The following OMA1 variants were observed in gnomAD, a reference collection of about 807,000 sequenced individuals.
The protein encoded by OMA1 is metalloendopeptidase OMA1, mitochondrial.
A neutral mutation model predicts 30.9 loss-of-function variants in OMA1; 38 were observed. The ratio of observed to expected loss-of-function variants is 1.23; its 90% confidence interval spans 0.95 to 1.61. OMA1 has a LOEUF of 1.61. Among genes scored for constraint, OMA1 ranks in the 40% most tolerant of loss-of-function variants. OMA1 has a pLI of 0.00. For missense variants in OMA1, 461 were observed against 349.2 expected, an observed-to-expected ratio of 1.32 and a Z score of -2.55; for synonymous variants, 173 against 121.9, an observed-to-expected ratio of 1.42 and a Z score of -2.76.
chr1:58,540,330 C>T (rs960736703), intron 1 of OMA1, among the ~76,000 whole-genome samples: 13 of 151,620 alleles, frequency 8.6e-5, no homozygotes, highest in Middle Eastern at 3.4e-3. Flanking sequence ...CTATTTAACA[C>T]TTAACAAGGT....
chr1:58,490,793 TTC>T (rs1216144322), intron 8 of OMA1, among the ~76,000 whole-genome samples: 32 of 114,882 alleles, frequency 2.8e-4, no homozygotes, highest in African/African-American at 1.2e-3. Context: ...ATAGTCAACA[TTC>T]TTTTTTTTTT....
At position 58,534,467 on chromosome 1, in the gene OMA1, C is replaced by T. The variant is rs956901694; in HGVS notation, c.730-136G>A. The T allele has an allele frequency of 1.1e-5, 6 of 525,818 alleles. No homozygotes were observed. The African/African-American group carries it at 1.2e-4, about 10-fold the overall frequency. 32.6% of individuals were successfully genotyped at this position (525,818 alleles called of 1,614,324 possible). A position where few individuals can be genotyped will look rare whatever the true frequency, so the allele number is the denominator to read the frequency against. ...TATAAAAATCTGCATATATTAAGCACTGAAATTTCTCAAATCTGAATTATT... is the reference window on the plus strand; with the variant it reads ...TATAAAAATCTGCATATATTAAGCATTGAAATTTCTCAAATCTGAATTATT... On this transcript the variant is annotated intron_variant, in intron 3 of 8. Coordinates refer to ENST00000371226, the MANE Select transcript of OMA1 (RefSeq NM_145243.5).
At chr1:58,546,169 G>A (rs549638267) in intron 1 of OMA1, among the ~76,000 whole-genome samples, 1 of 152,372 alleles carries the variant, frequency 6.6e-6, no homozygotes, top group Admixed American at 6.5e-5. Flanking sequence ...TGCTTAGACG[G>A]GGAATGTTCT....
intron 7 of OMA1, among the ~76,000 whole-genome samples, chr1:58,523,446 T>G (rs1240337999): frequency 6.6e-6 from 1 of 152,200 alleles, no homozygotes; most frequent in Non-Finnish European, 1.5e-5. Context: ...AACCTTTCCC[T>G]AAAGTACCCT....
Position 58,480,839 on chromosome 1 carries a change from T to C in OMA1, c.*126A>G. 1.6e-6 allele frequency: 1 copy of C among 610,696 alleles called. No individual in the cohort carries two copies. 37.8% of individuals were successfully genotyped at this position (610,696 alleles called of 1,614,324 possible). A position where few individuals can be genotyped will look rare whatever the true frequency, so the allele number is the denominator to read the frequency against. ...TCTAGAAGAATTTAGATAATATCTG[T>C]AATGTACATGATTTGACCCTGAATA... On this transcript the variant is annotated 3_prime_UTR_variant, in exon 9 of 9. Coordinates refer to ENST00000371226, the MANE Select transcript of OMA1 (RefSeq NM_145243.5).
chr1:58,500,865 C>T (rs1485825840), intron 8 of OMA1, among the ~76,000 whole-genome samples: 3 of 152,070 alleles, frequency 2.0e-5, no homozygotes, highest in Non-Finnish European at 2.9e-5. Flanking sequence ...GCAGATTTCT[C>T]TTATTCACAT....
intron 2 of OMA1, among the ~76,000 whole-genome samples, chr1:58,537,314 C>T (rs1242812658): frequency 2.6e-5 from 4 of 152,142 alleles, no homozygotes; most frequent in Admixed American, 2.6e-4. Flanking sequence ...CACTACTTTT[C>T]CCACTGCTCC....
chr1:58,518,229 AGGGG>A (rs1646190943), intron 7 of OMA1, among the ~76,000 whole-genome samples: 1 of 2,726 alleles, frequency 3.7e-4, no homozygotes, highest in African/African-American at 2.1e-3. Flanking sequence ...GAGAGGGGAG[AGGGG>A]AGAGGGGAGA....
chr1:58,502,277 T>C (rs1645919303), intron 8 of OMA1, among the ~76,000 whole-genome samples: 1 of 152,204 alleles, frequency 6.6e-6, no homozygotes, highest in African/African-American at 2.4e-5. Flanking sequence ...TCCTATTTGC[T>C]TTCTTGATTT....
chr1:58,487,125 T>C (rs1645589616), intron 8 of OMA1, among the ~76,000 whole-genome samples: 1 of 152,182 alleles, frequency 6.6e-6, no homozygotes, highest in South Asian at 2.1e-4. Context: ...CAACAGGAAA[T>C]GACTGCGGTA....
intron 8 of OMA1, among the ~76,000 whole-genome samples, chr1:58,499,089 G>A (rs1336092578): frequency 6.6e-6 from 1 of 151,884 alleles, no homozygotes; most frequent in Non-Finnish European, 1.5e-5. Context: ...TAACAGTATG[G>A]ATAAATCTGG....
At chr1:58,519,584 A>T (rs529594158) in intron 7 of OMA1, among the ~76,000 whole-genome samples, 22 of 152,290 alleles carry the variant, frequency 1.4e-4, no homozygotes, top group Admixed American at 1.1e-3. Flanking sequence ...ATGGAAAAAA[A>T]AAATATATCA....
chr1:58,482,037 T>C (rs1645494937), intron 8 of OMA1, among the ~76,000 whole-genome samples: 1 of 152,098 alleles, frequency 6.6e-6, no homozygotes, highest in African/African-American at 2.4e-5. Context: ...CCAGGAGAAA[T>C]AAAACATTGC....
At chr1:58,529,721 A>G (rs866320962) in intron 6 of OMA1, among the ~76,000 whole-genome samples, 12 of 152,212 alleles carry the variant, frequency 7.9e-5, no homozygotes, top group Non-Finnish European at 1.3e-4. Context: ...TTGGATAGAA[A>G]ATATCTACGA....
chr1:58,536,848 ATGATG>A (rs1569974047), intron 2 of OMA1, 107 bp from the exon 3 acceptor site: 2 of 681,196 alleles, frequency 2.9e-6, no homozygotes, highest in East Asian at 2.5e-5. Flanking sequence ...CTGAATTTGT[ATGATG>A]TATTTCGCTG....
intron 8 of OMA1, among the ~76,000 whole-genome samples, chr1:58,484,617 T>G (rs12094207): frequency 0.022 from 3,329 of 152,310 alleles, 76 homozygotes; most frequent in African/African-American, 0.061. Flanking sequence ...AAAAGCTGGC[T>G]TGGTAAATGT....
chr1:58,539,514 C>T (rs1330390171), intron 1 of OMA1, among the ~76,000 whole-genome samples: 2 of 150,948 alleles, frequency 1.3e-5, no homozygotes, highest in South Asian at 2.1e-4. Context: ...TACTATGCAA[C>T]GTTTACTTTA....
intron 7 of OMA1, among the ~76,000 whole-genome samples, chr1:58,525,201 A>G (rs1646330599): frequency 1.3e-5 from 2 of 152,168 alleles, no homozygotes. Flanking sequence ...TGCATTCATG[A>G]CATATCCTTT....
intron 8 of OMA1, among the ~76,000 whole-genome samples, chr1:58,482,135 A>C (rs1268331526): frequency 6.6e-6 from 1 of 152,232 alleles, no homozygotes; most frequent in African/African-American, 2.4e-5. Flanking sequence ...GATGAAACCA[A>C]AAAGTACAAT....
Sources: allele counts gnomAD v4.1 joint callset (sites outside exome capture counted in the v4.1 genomes callset), GRCh38; gene constraint gnomAD v4.1.1; transcripts MANE v1.5; gene names NCBI Gene and HGNC (gene_info 2026-07-23, HGNC 2026-07-21).